MRAP: variants seen among roughly 807,000 people sequenced by gnomAD.
MRAP encodes the protein melanocortin 2 receptor accessory protein, also known as melanocortin-2 receptor accessory protein.
A neutral mutation model predicts 8.7 loss-of-function variants in MRAP; 8 were observed. The observed-to-expected ratio is 0.92, with a 90% CI of 0.54 to 1.66. The LOEUF is 1.66. Among genes scored for constraint, MRAP ranks in the 40% most tolerant of loss-of-function variants. MRAP has a pLI of 0.00. For missense variants in MRAP, 237 were observed against 217.1 expected (o/e 1.09, Z -0.58); for synonymous variants, 95 against 95.5 (o/e 1.00, Z 0.03).
At chr21:32,297,577 C>G (rs1167637591), upstream of MRAP, among the ~76,000 whole-genome samples, 1 of 152,106 alleles carries the variant, frequency 6.6e-6, no homozygotes, top group African/African-American at 2.4e-5. Flanking sequence ...TTATGACAAA[C>G]CAGTCATCTA....
At chr21:32,300,355 TG>T (rs1425077504) in intron 1 of MRAP, among the ~76,000 whole-genome samples, 1 of 152,006 alleles carries the variant, frequency 6.6e-6, no homozygotes, top group Non-Finnish European at 1.5e-5. Flanking sequence ...ACGCGTCCTA[TG>T]TCAGATGTCA....
rs113235902 is a variant in MRAP at position 32,311,585 on chromosome 21, C to T, written c.207-99C>T. The T allele has an allele frequency of 1.8e-4, 280 of 1,520,572 alleles. No homozygotes were observed. In the African/African-American group the frequency reaches 2.8e-3, roughly 15 times the overall value. The allele number at this position is 1,520,572 out of a possible 1,614,324, so 94.2% of individuals were successfully genotyped here. A position where few individuals can be genotyped will look rare whatever the true frequency, so the allele number is the denominator to read the frequency against. ...CCTGTGTGGCCTTCCCTATGGGGTCCGGGCAGATGGCAGGTGTGGCAGGAA... is the reference window on the plus strand; with the variant it reads ...CCTGTGTGGCCTTCCCTATGGGGTCTGGGCAGATGGCAGGTGTGGCAGGAA... On this transcript the variant is annotated intron_variant, in intron 2 of 2. Transcript: ENST00000303645.
At chr21:32,296,475 C>T (rs2032141152), upstream of MRAP, among the ~76,000 whole-genome samples, 1 of 152,136 alleles carries the variant, frequency 6.6e-6, no homozygotes, top group East Asian at 1.9e-4. Flanking sequence ...CATGTAGAGT[C>T]ATGTGTCACT....
intron 1 of MRAP, among the ~76,000 whole-genome samples, chr21:32,300,951 T>A (rs539422425): frequency 6.7e-6 from 1 of 149,008 alleles, no homozygotes; most frequent in African/African-American, 2.6e-5. Flanking sequence ...ATATCAATGA[T>A]ATATCATGAT....
At chr21:32,295,911 G>A (rs539848682), upstream of MRAP, among the ~76,000 whole-genome samples, 21 of 152,278 alleles carry the variant, frequency 1.4e-4, no homozygotes, top group Admixed American at 7.2e-4. Context: ...AGGAGGCAGA[G>A]GTTGGAGTAA....
chr21:32,293,962 T>A (rs995360924), upstream of MRAP, among the ~76,000 whole-genome samples: 2 of 152,186 alleles, frequency 1.3e-5, no homozygotes, highest in East Asian at 3.8e-4. Flanking sequence ...AAATCCAGAT[T>A]ATTATCAGAC....
upstream of MRAP, among the ~76,000 whole-genome samples, chr21:32,296,564 C>A (rs950314418): frequency 6.6e-6 from 1 of 152,098 alleles, no homozygotes; most frequent in Non-Finnish European, 1.5e-5. Context: ...TCTACTTACA[C>A]GAATCTAGAG....
intron 1 of MRAP, among the ~76,000 whole-genome samples, chr21:32,292,095 CTAGA>C (rs926524529): frequency 6.6e-5 from 10 of 151,574 alleles, no homozygotes; most frequent in Non-Finnish European, 1.2e-4. Flanking sequence ...TGAGCATTGA[CTAGA>C]TAGTTGATTC....
upstream of MRAP, among the ~76,000 whole-genome samples, chr21:32,294,726 C>T (rs1033198141): frequency 1.3e-5 from 2 of 152,086 alleles, no homozygotes; most frequent in Non-Finnish European, 2.9e-5. Context: ...TCCATTTCTA[C>T]AGTTTGTAAA....
intron 1 of MRAP, among the ~76,000 whole-genome samples, chr21:32,301,527 G>C (rs1185253939): frequency 6.6e-6 from 1 of 152,194 alleles, no homozygotes; most frequent in Non-Finnish European, 1.5e-5. Context: ...GGCCCTGCCT[G>C]AATTGACTAA....
chr21:32,306,532 C>G, intron 1 of MRAP, 108 bp from the exon 2 acceptor site: 1 of 861,922 alleles, frequency 1.2e-6, no homozygotes, highest in South Asian at 1.4e-5. Flanking sequence ...GGAGGACAAC[C>G]GAAACTCAGG....
intron 1 of MRAP, chr21:32,306,368 G>C (rs994333520): frequency 6.5e-6 from 3 of 459,838 alleles, no homozygotes; most frequent in Non-Finnish European, 1.2e-5. Context: ...GGGTGGGGGG[G>C]CACACAATTC....
chr21:32,312,568 A>G (rs2032607374), downstream of MRAP: 1 of 164,738 alleles, frequency 6.1e-6, no homozygotes, highest in African/African-American at 2.4e-5. Context: ...CAGGCAGCCA[A>G]CGCCTGTCAG....
Position 32,312,264 on chromosome 21 carries a change from T to A in MRAP, c.*268T>A. The A allele has an allele frequency of 1.4e-6, 2 of 1,400,544 alleles. No individual in the cohort carries two copies. Among genetic ancestry groups the A allele is most frequent in the Non-Finnish European group, 1.9e-6 (2 of 1,078,224 alleles). 86.8% of individuals were successfully genotyped at this position (1,400,544 alleles called of 1,614,324 possible). On this transcript the variant is annotated 3_prime_UTR_variant, in exon 3 of 3. Transcript: ENST00000303645. ...ATTTGCTCAGGGAAGAGTAGGAAAA[T>A]AAAATATATGCAAATCAAGAGGAAA...
rs139608381 is a variant in MRAP at position 32,302,259 on chromosome 21, G to C, written c.106+3182G>C. Reference sequence around the variant, plus strand: ...GGTTAATGAAATGGGTGATTAAGCTGGTTGATACCATCTGGATGTCATAAA... The same window carrying C: ...GGTTAATGAAATGGGTGATTAAGCTCGTTGATACCATCTGGATGTCATAAA... On this transcript the variant is annotated intron_variant, in intron 1 of 2. Transcript: ENST00000303645. Among the ~76,000 whole-genome samples the C allele has an allele frequency of 8.3e-4, 126 of 152,320 alleles. 2 individuals are homozygous for C. The highest frequency in any genetic ancestry group is 2.9e-3 in the African/African-American group (121 of 41,584).
chr21:32,296,295 C>A (rs2032137786), upstream of MRAP, among the ~76,000 whole-genome samples: 1 of 152,140 alleles, frequency 6.6e-6, no homozygotes. Flanking sequence ...GGGGTGAAGG[C>A]TTCAACTTAG....
intron 1 of MRAP, among the ~76,000 whole-genome samples, chr21:32,299,359 G>A (rs2032205566): frequency 6.6e-6 from 1 of 152,166 alleles, no homozygotes; most frequent in African/African-American, 2.4e-5. Context: ...TTTGGAGATA[G>A]GGTCTAGCTC....
At chr21:32,292,593 A>G (rs1048376942) in intron 1 of MRAP, among the ~76,000 whole-genome samples, 1 of 152,014 alleles carries the variant, frequency 6.6e-6, no homozygotes, top group African/African-American at 2.4e-5. Context: ...AGTAGCTGGG[A>G]TTACAGGTGT....
At chr21:32,313,322 C>G (rs77711381), downstream of MRAP, 1,303 of 152,344 alleles carry the variant, frequency 8.6e-3, 18 homozygotes, top group African/African-American at 0.029. Context: ...TGCCTATAAC[C>G]AAAGGAATCC....
Sources: gnomAD v4.1 joint callset for allele counts (sites outside exome capture counted in the v4.1 genomes callset) on GRCh38, gnomAD v4.1.1 for gene constraint, MANE v1.5 for transcripts, NCBI Gene and HGNC (gene_info 2026-07-23, HGNC 2026-07-21) for gene names.